EXOSC9: variants seen among roughly 807,000 people sequenced by gnomAD.
EXOSC9 encodes the protein exosome complex component RRP45.
A neutral mutation model predicts 56.5 loss-of-function variants in EXOSC9; 38 were observed. The observed-to-expected ratio is 0.67, with a 90% confidence interval of 0.52 to 0.88. The LOEUF is 0.88. Among genes scored for constraint, EXOSC9 ranks in the 40% least tolerant of loss-of-function variants. The pLI, the probability that EXOSC9 is intolerant of heterozygous loss-of-function variation, is 0.00. For missense variants in EXOSC9, 559 were observed against 530.5 expected (o/e 1.05, Z -0.53); for synonymous variants, 170 against 170.8 (o/e 0.99, Z 0.04).
In EXOSC9 at chr4:121,811,389, C is replaced by T. The variant is rs189197737; in HGVS notation, c.739-194C>T. Among the ~76,000 whole-genome samples the T allele has an allele frequency of 4.7e-3, 717 of 152,260 alleles. 2 individuals are homozygous for T. Among genetic ancestry groups the T allele is most frequent in the Admixed American group, 9.2e-3 (141 of 15,300 alleles). On this transcript the variant is annotated intron_variant, in intron 7 of 11. Transcript: ENST00000243498. ...GTATAAGAAAGTTTTTATGTCTGTT[C>T]CCTTGATGTGACAGTCCTTCACATA... is the stretch of plus-strand genomic sequence containing the variant.
chr4:121,813,754 G>C (rs553938818), intron 9 of EXOSC9, 112 bp from the exon 10 acceptor site: 1 of 758,960 alleles, frequency 1.3e-6, no homozygotes, highest in African/African-American at 1.8e-5. Context: ...TTTTCCCCTA[G>C]GAACTTGGGG....
chr4:121,806,286 G>A (rs1727020699), intron 5 of EXOSC9, among the ~76,000 whole-genome samples: 1 of 152,058 alleles, frequency 6.6e-6, no homozygotes, highest in South Asian at 2.1e-4. Flanking sequence ...CCAAGTAGCT[G>A]GGATTGCAGG....
intron 8 of EXOSC9, among the ~76,000 whole-genome samples, chr4:121,812,057 AG>A (rs1249673401): frequency 6.6e-6 from 1 of 152,194 alleles, no homozygotes; most frequent in Non-Finnish European, 1.5e-5. Context: ...TGCTAAAATT[AG>A]GTTCACGTTT....
chr4:121,802,696 GAACTTGTGTCTCC>G lies in EXOSC9; in HGVS notation c.187_199del (p.Leu63AsnfsTer34). ...CAGAGTTCTTGGACAGGTTTCCTGT[GAACTTGTGTCTCC>G]AAAACTCAATCGGGCAACAGAAGGT... On this transcript the variant is annotated frameshift_variant, in exon 3 of 12. Transcript: ENST00000243498. LOFTEE classifies it high-confidence loss of function. 6.2e-7 allele frequency: 1 copy of G among 1,614,044 alleles called. No homozygotes were observed. The highest frequency in any genetic ancestry group is 1.1e-5 in the South Asian group (1 of 91,070).
intron 10 of EXOSC9, chr4:121,814,578 A>G (rs1192585408): frequency 6.6e-6 from 1 of 152,130 alleles, no homozygotes; most frequent in African/African-American, 2.4e-5. Flanking sequence ...AAAACTTTCT[A>G]TGATGATAGA....
At position 121,816,052 on chromosome 4, in the gene EXOSC9, G is replaced by T. The variant is rs1724487690; in HGVS notation, c.1157-317G>T. 19 of 877,382 alleles carry T rather than the reference G, an allele frequency of 2.2e-5. No homozygotes were observed. The South Asian group carries it at 5.1e-4, about 24-fold the overall frequency. The allele number at this position is 877,382 out of a possible 1,614,324, so 54.3% of individuals were successfully genotyped here. On this transcript the variant is annotated intron_variant, in intron 10 of 11. Transcript: ENST00000243498. ...TGGCACTGCAACCTCCACCTCCATG[G>T]GTTCAAGCGATTCTCATGCCTCAGC...
chr4:121,811,541 G>T (rs201453126), intron 7 of EXOSC9, 42 bp from the exon 8 acceptor site: 1 of 1,157,252 alleles, frequency 8.6e-7, no homozygotes, highest in South Asian at 1.5e-5. Flanking sequence ...AAAACTATTT[G>T]GTTTATTGTC....
intron 5 of EXOSC9, among the ~76,000 whole-genome samples, chr4:121,806,551 G>A (rs1238664393): frequency 1.3e-5 from 2 of 151,938 alleles, no homozygotes; most frequent in African/African-American, 2.4e-5. Context: ...AGCTTACTAC[G>A]TTCAGAGACT....
In EXOSC9 at chr4:121,813,331, G is replaced by T. The variant is rs763006694; in HGVS notation, c.925G>T (p.Glu309Ter). Residue 309 changes from glutamate to a stop codon, truncating the protein, a stop_gained, in exon 9 of 12, where the codon GAA becomes TAA. Coordinates refer to ENST00000243498, the MANE Select transcript of EXOSC9 (RefSeq NM_005033.3). LOFTEE classifies it high-confidence loss of function. ...EKAPIDTSDV[E>*]EKAEEIIAEA... is the part of the protein sequence containing the mutation. Reference sequence around the variant, plus strand: ...GGCCCCTATTGATACCTCGGATGTAGAAGAAAAAGCAGAAGAAATCATTGC... The same window carrying T: ...GGCCCCTATTGATACCTCGGATGTATAAGAAAAAGCAGAAGAAATCATTGC... 6.2e-7 allele frequency: 1 copy of T among 1,613,770 alleles called. No homozygotes were observed. Among genetic ancestry groups the T allele is most frequent in the Admixed American group, 1.7e-5 (1 of 59,958 alleles).
intron 1 of EXOSC9, 78 bp from the exon 2 acceptor site, chr4:121,801,749 C>T: frequency 7.9e-7 from 1 of 1,272,738 alleles, no homozygotes; most frequent in Non-Finnish European, 1.1e-6. Context: ...AAGTGCTTAG[C>T]CCAGGGCCAG....
chr4:121,806,537 T>C (rs1356026071), intron 5 of EXOSC9, among the ~76,000 whole-genome samples: 1 of 151,370 alleles, frequency 6.6e-6, no homozygotes, highest in African/African-American at 2.4e-5. Flanking sequence ...ACGGGAGGAA[T>C]AAGAGCTTAC....
Position 121,801,370 on chromosome 4 carries a change from C to G in EXOSC9, c.-55C>G, listed in dbSNP as rs1367316724. The G allele has an allele frequency of 3.9e-6, 6 of 1,522,946 alleles. No homozygotes were observed. In the Admixed American group the frequency reaches 8.4e-5, roughly 21 times the overall value. 94.3% of individuals were successfully genotyped at this position (1,522,946 alleles called of 1,614,324 possible). A position where few individuals can be genotyped will look rare whatever the true frequency, so the allele number is the denominator to read the frequency against. On this transcript the variant is annotated 5_prime_UTR_variant, in exon 1 of 12. It adds an upstream start codon to the 5' untranslated region. Coordinates refer to ENST00000243498, the MANE Select transcript of EXOSC9 (RefSeq NM_005033.3). ...CGAGCAGCGGCGCGCAAGGAAAGAT[C>G]GGGTTCCGTTTTTCCCGCGGATTCT...
rs1724360710 is a variant in EXOSC9 at position 121,813,919 on chromosome 4, T to C, written c.1028T>C (p.Val343Ala). ...TPGTAQIGEG[V>A]ENSWGDLEDS... ...GGAACTGCCCAAATTGGAGAGGGAG[T>C]AGAAAACTCCTGGGGTGATCTTGAA... is the stretch of plus-strand genomic sequence containing the variant. The change falls in exon 10 of 12, where the codon GTA (valine) becomes GCA (alanine). Residue 343 changes from valine to alanine, a missense_variant. Transcript: ENST00000243498. 1 of 1,613,192 alleles carries C rather than the reference T, an allele frequency of 6.2e-7. No individual in the cohort carries two copies. Among genetic ancestry groups the C allele is most frequent in the South Asian group, 1.1e-5 (1 of 91,062 alleles).
intron 5 of EXOSC9, among the ~76,000 whole-genome samples, chr4:121,806,440 G>C (rs1281220884): frequency 1.3e-5 from 2 of 150,824 alleles, no homozygotes; most frequent in East Asian, 3.9e-4. Context: ...ACTGCCCCCA[G>C]CCGACCTTAT....
At chr4:121,808,417 C>T (rs946527108) in intron 6 of EXOSC9, among the ~76,000 whole-genome samples, 2 of 152,114 alleles carry the variant, frequency 1.3e-5, no homozygotes, top group East Asian at 3.9e-4. Context: ...TGGATTTCAG[C>T]AGCGTGATTT....
In EXOSC9 at chr4:121,809,404, A is replaced by G. The variant is rs538458665; in HGVS notation, c.606-563A>G. Among the ~76,000 whole-genome samples, 7 of 152,360 alleles carry G rather than the reference A, an allele frequency of 4.6e-5. No homozygotes were observed. The South Asian group carries it at 1.2e-3, about 27-fold the overall frequency. ...AAATAAAATGATTAATGAAATAATC[A>G]GTATTTTAATAATTACTCATGAGAT... On this transcript the variant is annotated intron_variant, in intron 6 of 11. Transcript: ENST00000243498.
At chr4:121,810,418 G>A (rs1324018285) in intron 7 of EXOSC9, among the ~76,000 whole-genome samples, 6 of 150,170 alleles carry the variant, frequency 4.0e-5, no homozygotes, top group African/African-American at 2.4e-5. Context: ...GTTGGCTTAC[G>A]CCTGTAATCC....
In EXOSC9 at chr4:121,814,425, TTGTG is replaced by T. The variant is rs560830576; in HGVS notation, c.1156+386_1156+389del. On this transcript the variant is annotated intron_variant, in intron 10 of 11. Coordinates refer to ENST00000243498, the MANE Select transcript of EXOSC9 (RefSeq NM_005033.3). ...AGTGATATTTTTAATTAAAAAAATT[TTGTG>T]TGTGTGTATGTATGTGGGTGGGTTT... 232 of 154,398 alleles carry T rather than the reference TTGTG, an allele frequency of 1.5e-3. 1 individual carries two copies. The highest frequency in any genetic ancestry group is 5.3e-3 in the African/African-American group (220 of 41,558). 9.6% of individuals were successfully genotyped at this position (154,398 alleles called of 1,614,324 possible). A position where few individuals can be genotyped will look rare whatever the true frequency, so the allele number is the denominator to read the frequency against.
At position 121,804,711 on chromosome 4, in the gene EXOSC9, T is replaced by C. The variant is rs564292801; in HGVS notation, c.474T>C (p.Cys158=). The part of the protein sequence containing the change: ...AASIAAIVAL[C]HFRRPDVSVQ... Reference sequence around the variant, plus strand: ...GCATTGCTGCAATCGTGGCCTTATGTCATTTCCGAAGACCTGATGTCTCTG... The same window carrying C: ...GCATTGCTGCAATCGTGGCCTTATGCCATTTCCGAAGACCTGATGTCTCTG... Residue 158 remains cysteine (C), a synonymous_variant, in exon 5 of 12, where the codon TGT becomes TGC. Transcript: ENST00000243498. 9.3e-6 allele frequency: 15 copies of C among 1,613,314 alleles called. No homozygotes were observed. In the East Asian group the frequency reaches 2.7e-4, roughly 29 times the overall value.
Sources: gnomAD v4.1 joint callset for allele counts (sites outside exome capture counted in the v4.1 genomes callset) on GRCh38, gnomAD v4.1.1 for gene constraint, MANE v1.5 for transcripts, NCBI Gene and HGNC (gene_info 2026-07-23, HGNC 2026-07-21) for gene names.